The following PTPRT variants were observed in gnomAD, a reference collection of about 807,000 sequenced individuals.
PTPRT encodes protein tyrosine phosphatase receptor type T, also known as receptor-type tyrosine-protein phosphatase T.
In PTPRT, 56 loss-of-function variants were observed where a neutral mutation model predicts 176.8. The ratio of observed to expected loss-of-function variants is 0.32; its 90% confidence interval spans 0.26 to 0.40. The LOEUF is 0.40. Among genes scored for constraint, PTPRT ranks in the 10% least tolerant of loss-of-function variants. The pLI, the probability that PTPRT is intolerant of heterozygous loss-of-function variation, is 1.00. For synonymous variants in PTPRT, 783 were observed against 739.0 expected (o/e 1.06, Z -0.96); for missense variants, 1,540 against 1,908.2 (o/e 0.81, Z 3.60).
chr20:42,594,335 T>A (rs1367141336), intron 7 of PTPRT, among the ~76,000 whole-genome samples: 1 of 152,170 alleles, frequency 6.6e-6, no homozygotes, highest in Non-Finnish European at 1.5e-5. Flanking sequence ...AAAAACCCTC[T>A]TTCTGTAAAA....
chr20:42,279,054 T>C (rs755532880), intron 13 of PTPRT, among the ~76,000 whole-genome samples: 34 of 152,160 alleles, frequency 2.2e-4, no homozygotes, highest in Non-Finnish European at 3.5e-4. Flanking sequence ...TTTTGCTCTG[T>C]GGCTTTCTAT....
chr20:43,040,061 G>C (rs1378264297), intron 1 of PTPRT, among the ~76,000 whole-genome samples: 6 of 151,652 alleles, frequency 4.0e-5, no homozygotes, highest in Admixed American at 3.3e-4. Flanking sequence ...GAATAAAGAA[G>C]AAGAAAGAAG....
chr20:42,345,458 CAT>C (rs199727696), intron 11 of PTPRT, among the ~76,000 whole-genome samples: 2,131 of 146,874 alleles, frequency 0.015, 71 homozygotes, highest in East Asian at 0.09. Flanking sequence ...TATAGATATA[CAT>C]ATATATATAA....
At chr20:42,453,657 T>C (rs8122692) in intron 8 of PTPRT, among the ~76,000 whole-genome samples, 3 of 146,616 alleles carry the variant, frequency 2.0e-5, no homozygotes, top group Non-Finnish European at 3.0e-5. Context: ...GATTTTCCTT[T>C]TTTTTCTTTT....
intron 1 of PTPRT, among the ~76,000 whole-genome samples, chr20:43,051,649 AT>A (rs1156592290): frequency 5.3e-5 from 8 of 150,022 alleles, no homozygotes; most frequent in Non-Finnish European, 1.0e-4. Flanking sequence ...AAAAAAAAAA[AT>A]CTACATTATT....
At chr20:42,701,626 T>C (rs1386796320) in intron 6 of PTPRT, among the ~76,000 whole-genome samples, 1 of 151,942 alleles carries the variant, frequency 6.6e-6, no homozygotes, top group East Asian at 1.9e-4. Context: ...ATGGCCAGGG[T>C]GAACTCAGGA....
In PTPRT at chr20:42,146,316, C is replaced by G. The variant is rs556886837; in HGVS notation, c.2683-4314G>C. Among the ~76,000 whole-genome samples, 152 of 152,314 alleles carry G rather than the reference C, an allele frequency of 1.0e-3. 1 individual carries two copies. Among genetic ancestry groups the G allele is most frequent in the Non-Finnish European group, 1.1e-3 (74 of 68,026 alleles). On this transcript the variant is annotated intron_variant, in intron 17 of 30. Transcript: ENST00000373187. ...CCCTCTGTGATAAAAGCCAATTGTT[C>G]AACCAAACATGTCCCCCTGAAAGTG...
At chr20:42,040,769 A>C in the PTPRT span, among the ~76,000 whole-genome samples, 851 of 152,318 alleles carry the variant, frequency 5.6e-3, 7 homozygotes, top group African/African-American at 0.019. Context: ...AGACATCAGA[A>C]ATGCCTTTCT....
chr20:42,319,566 C>G (rs2057770429), intron 11 of PTPRT, among the ~76,000 whole-genome samples: 2 of 152,144 alleles, frequency 1.3e-5, no homozygotes, highest in South Asian at 4.1e-4. Context: ...AAATTTAAAT[C>G]ATTTTGTTAG....
At chr20:43,123,187 C>T (rs2013329240) in intron 1 of PTPRT, among the ~76,000 whole-genome samples, 2 of 152,122 alleles carry the variant, frequency 1.3e-5, no homozygotes, top group Admixed American at 1.3e-4. Context: ...ACAAAAATGG[C>T]CTAATACAAC....
At chr20:43,027,475 C>CAA (rs3092377) in intron 1 of PTPRT, among the ~76,000 whole-genome samples, 94,110 of 139,012 alleles carry the variant, frequency 0.68, 33,752 homozygotes, top group South Asian at 0.88. Flanking sequence ...GACTCCACCT[C>CAA]AAAAAAAAAA....
At chr20:42,592,770 T>C (rs1569001389) in intron 7 of PTPRT, among the ~76,000 whole-genome samples, 1 of 152,178 alleles carries the variant, frequency 6.6e-6, no homozygotes, top group Non-Finnish European at 1.5e-5. Context: ...GTTTCCATCA[T>C]GAGGCCTCTG....
intron 1 of PTPRT, among the ~76,000 whole-genome samples, chr20:42,913,163 A>G (rs1978510025): frequency 6.6e-6 from 1 of 152,248 alleles, no homozygotes; most frequent in Non-Finnish European, 1.5e-5. Flanking sequence ...AACACTGAAT[A>G]AATGTTATGC....
At chr20:42,088,650 T>C (rs1326169352) in intron 27 of PTPRT, among the ~76,000 whole-genome samples, 4 of 152,240 alleles carry the variant, frequency 2.6e-5, no homozygotes, top group Non-Finnish European at 5.9e-5. Context: ...AAAGCTTTGC[T>C]GAAACACAGC....
intron 1 of PTPRT, among the ~76,000 whole-genome samples, chr20:42,922,063 G>A (rs1343957991): frequency 2.0e-5 from 3 of 152,260 alleles, no homozygotes; most frequent in South Asian, 4.1e-4. Context: ...TGCCTCCCGA[G>A]TAGCTGGGAC....
intron 11 of PTPRT, among the ~76,000 whole-genome samples, chr20:42,343,586 G>A (rs1342522092): frequency 1.3e-5 from 2 of 152,126 alleles, no homozygotes; most frequent in Non-Finnish European, 2.9e-5. Flanking sequence ...AAGCTTGTCT[G>A]CTTGAATTTA....
chr20:42,664,775 C>T (rs1243155267), intron 7 of PTPRT, among the ~76,000 whole-genome samples: 1 of 152,036 alleles, frequency 6.6e-6, no homozygotes, highest in African/African-American at 2.4e-5. Context: ...CAGAACAGAG[C>T]CCTCAGAAAT....
intron 7 of PTPRT, among the ~76,000 whole-genome samples, chr20:42,602,473 G>A (rs992567516): frequency 3.3e-5 from 5 of 152,066 alleles, no homozygotes; most frequent in East Asian, 1.9e-4. Context: ...CTGGTCAAAC[G>A]GCTTTCTATA....
rs531913411 is a variant in PTPRT at position 42,939,852 on chromosome 20, T to A, written c.89-53920A>T. On this transcript the variant is annotated intron_variant, in intron 1 of 30. Coordinates refer to ENST00000373187, the MANE Select transcript of PTPRT (RefSeq NM_007050.6). Reference sequence around the variant, plus strand: ...TGGTAGTTTTGACAGGGAAGATAATTCACCTTACCTTCATCTGTCTATCTA... The same window carrying A: ...TGGTAGTTTTGACAGGGAAGATAATACACCTTACCTTCATCTGTCTATCTA... Among the ~76,000 whole-genome samples the A allele has an allele frequency of 1.2e-3, 183 of 152,288 alleles. 1 individual carries two copies. Among genetic ancestry groups the A allele is most frequent in the African/African-American group, 4.2e-3 (176 of 41,566 alleles).
Sources: allele counts gnomAD v4.1 joint callset (sites outside exome capture counted in the v4.1 genomes callset), GRCh38; gene constraint gnomAD v4.1.1; transcripts MANE v1.5; gene names NCBI Gene and HGNC (gene_info 2026-07-23, HGNC 2026-07-21).